The following SPATA16 variants were observed in gnomAD, a reference collection of about 807,000 sequenced individuals.
SPATA16 encodes the protein spermatogenesis-associated protein 16.
Under a neutral mutation model 63.3 loss-of-function variants are expected in SPATA16, and 36 were observed. That is an observed-to-expected ratio of 0.57 (90% confidence interval 0.44 to 0.75). The LOEUF (loss-of-function observed/expected upper bound fraction) is 0.75. SPATA16 is among the 30% of genes least tolerant of loss of function. SPATA16 has a pLI of 0.00. For missense variants in SPATA16, 646 were observed against 679.3 expected (o/e 0.95, Z 0.54); for synonymous variants, 203 against 216.7 (o/e 0.94, Z 0.56).
intron 2 of SPATA16, among the ~76,000 whole-genome samples, chr3:173,086,143 C>T (rs1223606699): frequency 2.6e-5 from 4 of 152,110 alleles, no homozygotes; most frequent in Non-Finnish European, 4.4e-5. Context: ...TGGTAGAATT[C>T]AGCTGTAAAT....
intron 1 of SPATA16, among the ~76,000 whole-genome samples, chr3:173,129,173 T>C (rs1057270154): frequency 6.6e-6 from 1 of 152,214 alleles, no homozygotes; most frequent in African/African-American, 2.4e-5. Context: ...ATAAAATGGA[T>C]TGTGCTTCAC....
chr3:172,953,382 G>A (rs924950964), intron 6 of SPATA16, among the ~76,000 whole-genome samples: 1 of 152,166 alleles, frequency 6.6e-6, no homozygotes, highest in Admixed American at 6.5e-5. Flanking sequence ...AGAGGGCTAC[G>A]ACAACTTCTA....
chr3:173,063,786 T>C (rs1187943386), intron 2 of SPATA16, among the ~76,000 whole-genome samples: 3 of 152,200 alleles, frequency 2.0e-5, no homozygotes, highest in Admixed American at 6.5e-5. Context: ...GGAGTGTATA[T>C]TTTGCTTAGA....
At chr3:172,914,788 GT>G (rs1732442760) in intron 9 of SPATA16, among the ~76,000 whole-genome samples, 1 of 151,864 alleles carries the variant, frequency 6.6e-6, no homozygotes, top group African/African-American at 2.4e-5. Context: ...ATTTTATAGG[GT>G]TTCAAATAGA....
At chr3:173,058,594 G>A (rs902138735) in intron 2 of SPATA16, among the ~76,000 whole-genome samples, 6 of 151,964 alleles carry the variant, frequency 3.9e-5, no homozygotes, top group African/African-American at 1.2e-4. Flanking sequence ...TACTGTATTT[G>A]TTCTTTGATA....
intron 4 of SPATA16, among the ~76,000 whole-genome samples, chr3:172,983,734 AACAC>A (rs144436926): frequency 1.3e-5 from 2 of 151,524 alleles, no homozygotes; most frequent in Non-Finnish European, 3.0e-5. Flanking sequence ...CATTCAAGCC[AACAC>A]ACACACACAA....
At chr3:172,969,899 CCATA>C (rs1314404089) in intron 5 of SPATA16, among the ~76,000 whole-genome samples, 1 of 152,094 alleles carries the variant, frequency 6.6e-6, no homozygotes, top group Non-Finnish European at 1.5e-5. Flanking sequence ...CTGCATTTTG[CCATA>C]AAAAGAACTT....
chr3:172,891,556 C>T (rs1348016705), intron 10 of SPATA16, among the ~76,000 whole-genome samples: 2 of 152,170 alleles, frequency 1.3e-5, no homozygotes, highest in African/African-American at 4.8e-5. Flanking sequence ...TAAATCTGAT[C>T]TCACATCTTT....
chr3:172,984,923 A>T (rs1734410629), intron 4 of SPATA16, among the ~76,000 whole-genome samples: 1 of 152,210 alleles, frequency 6.6e-6, no homozygotes, highest in Admixed American at 6.5e-5. Context: ...TTAATTCCTA[A>T]AATCAAGCTA....
chr3:173,128,826 A>G (rs905986777), intron 1 of SPATA16, among the ~76,000 whole-genome samples: 3 of 152,238 alleles, frequency 2.0e-5, no homozygotes, highest in African/African-American at 7.2e-5. Flanking sequence ...TGGTGACGTA[A>G]GCATATTCAT....
In SPATA16 at chr3:173,117,536, T is replaced by G. The variant is rs765831317; in HGVS notation, c.196A>C (p.Thr66Pro). 1 of 1,614,120 alleles carries G rather than the reference T, an allele frequency of 6.2e-7. No homozygotes were observed. The highest frequency in any genetic ancestry group is 8.5e-7 in the Non-Finnish European group (1 of 1,180,010). The part of the protein sequence containing the change: ...VEITLERTKM[T>P]KGIKEKQSND... ...CTTTGTTTTTCTTTGATGCCCTTTG[T>G]CATTTTTGTTCTTTCAAGTGTGATT... Residue 66 changes from threonine to proline, a missense_variant, in exon 2 of 11, where the codon ACA becomes CCA. By Grantham distance (38) the Thr-to-Pro change is conservative (BLOSUM62 -1). Coordinates refer to ENST00000351008, the MANE Select transcript of SPATA16 (RefSeq NM_031955.6).
chr3:172,898,359 C>T (rs1432564634), intron 10 of SPATA16, among the ~76,000 whole-genome samples: 4 of 151,988 alleles, frequency 2.6e-5, no homozygotes, highest in Admixed American at 2.6e-4. Flanking sequence ...CCAGTGAAAA[C>T]GTCTGGGCTT....
chr3:172,996,135 C>T (rs906534978), intron 4 of SPATA16, among the ~76,000 whole-genome samples: 2 of 152,014 alleles, frequency 1.3e-5, no homozygotes, highest in African/African-American at 4.8e-5. Flanking sequence ...GATGTTTTCT[C>T]ATGATAAACT....
At chr3:172,956,384 G>A (rs1002792260) in intron 6 of SPATA16, among the ~76,000 whole-genome samples, 1 of 151,924 alleles carries the variant, frequency 6.6e-6, no homozygotes, top group South Asian at 2.1e-4. Flanking sequence ...AAGGATAAGG[G>A]GAAAGATGGC....
At chr3:173,043,625 T>C (rs1735896691) in intron 3 of SPATA16, among the ~76,000 whole-genome samples, 1 of 152,036 alleles carries the variant, frequency 6.6e-6, no homozygotes, top group African/African-American at 2.4e-5. Context: ...ATATTTACCA[T>C]TTATCATTTT....
rs114910901 is a variant in SPATA16, at chr3:172,974,351, A to G, written c.933+2617T>C. ...ATCTATTTAACCTTAATGGATGCCT[A>G]TAAAAGTGCATGAAAATACAGTCTC... On this transcript the variant is annotated intron_variant, in intron 5 of 10. Coordinates refer to ENST00000351008, the MANE Select transcript of SPATA16 (RefSeq NM_031955.6). 9.7e-3 allele frequency among the ~76,000 whole-genome samples: 1,469 copies of G among 152,200 alleles called. 21 individuals are homozygous for G. The highest frequency in any genetic ancestry group is 0.032 in the African/African-American group (1,344 of 41,528).
At chr3:173,002,154 C>A (rs879469966) in intron 4 of SPATA16, among the ~76,000 whole-genome samples, 2 of 151,944 alleles carry the variant, frequency 1.3e-5, no homozygotes, top group Admixed American at 6.6e-5. Flanking sequence ...TCAGCTTTGG[C>A]CATTGGGAGT....
In SPATA16 at chr3:173,117,415, T is replaced by C; in HGVS notation, c.317A>G (p.Gln106Arg). The C allele has an allele frequency of 6.2e-7, 1 of 1,614,186 alleles. No individual in the cohort carries two copies. The highest frequency in any genetic ancestry group is 8.5e-7 in the Non-Finnish European group (1 of 1,180,008). ...GTGAGGCAGAGGCATGGTGATTAAC[T>C]GATTGTCAAGTTCTGTTATCTTTGC... is the stretch of plus-strand genomic sequence containing the variant. The part of the protein sequence containing the change: ...KQAKITELDN[Q>R]LITMPLPHIP... Residue 106 changes from glutamine (Q) to arginine (R), a missense_variant, in exon 2 of 11, where the codon CAG becomes CGG. Coordinates refer to ENST00000351008, the MANE Select transcript of SPATA16 (RefSeq NM_031955.6).
At chr3:173,013,634 G>A (rs1490424687) in intron 4 of SPATA16, among the ~76,000 whole-genome samples, 1 of 152,228 alleles carries the variant, frequency 6.6e-6, no homozygotes, top group Non-Finnish European at 1.5e-5. Context: ...GATTGCACAT[G>A]ACTGTTGCTA....
Sources: allele counts gnomAD v4.1 joint callset (sites outside exome capture counted in the v4.1 genomes callset), GRCh38; gene constraint gnomAD v4.1.1; transcripts MANE v1.5; gene names NCBI Gene and HGNC (gene_info 2026-07-23, HGNC 2026-07-21).